The following RGPD2 variants were observed in gnomAD, a reference collection of about 807,000 sequenced individuals.
RGPD2 encodes the protein RANBP2 like and GRIP domain containing 2, also known as RANBP2-like and GRIP domain-containing protein 2.
In RGPD2, 2 loss-of-function variants were observed where a neutral mutation model predicts 36.0. The observed-to-expected ratio is 0.06, with a 90% CI of 0.02 to 0.17. The LOEUF (loss-of-function observed/expected upper bound fraction) is 0.17. RGPD2 is among the 10% of genes least tolerant of loss of function. The probability of loss-of-function intolerance (pLI) is 1.00; values close to 1 mark genes in which losing one functional copy is unlikely to be tolerated. For missense variants in RGPD2, 40 were observed against 464.3 expected, an observed-to-expected ratio of 0.09 and a Z score of 8.40; for synonymous variants, 19 against 163.8, an observed-to-expected ratio of 0.12 and a Z score of 6.75.
the RGPD2 span, among the ~76,000 whole-genome samples, chr2:87,945,090 A>C: frequency 6.6e-6 from 1 of 151,982 alleles, no homozygotes; most frequent in African/African-American, 2.4e-5. Flanking sequence ...AGGAACACAA[A>C]AAAATGAAAA....
At chr2:87,919,290 T>C in the RGPD2 span, among the ~76,000 whole-genome samples, 11 of 151,508 alleles carry the variant, frequency 7.3e-5, no homozygotes, top group African/African-American at 2.4e-4. Flanking sequence ...ATCTCTAAAA[T>C]AGAGACATCA....
At chr2:87,915,605 T>C in the RGPD2 span, among the ~76,000 whole-genome samples, 3 of 140,258 alleles carry the variant, frequency 2.1e-5, no homozygotes, top group Non-Finnish European at 4.8e-5. Context: ...TATATGTGTG[T>C]GTATATATAT....
At chr2:87,980,206 C>T in the RGPD2 span, among the ~76,000 whole-genome samples, 2 of 149,808 alleles carry the variant, frequency 1.3e-5, no homozygotes, top group African/African-American at 4.9e-5. Context: ...CAAAAATTAG[C>T]CGGGCATGGT....
intron 6 of RGPD2, among the ~76,000 whole-genome samples, chr2:87,809,202 G>A (rs1347151211): frequency 2.0e-5 from 3 of 151,984 alleles, no homozygotes. Flanking sequence ...CTACTCGGGA[G>A]GCTGAGGCAG....
chr2:87,918,390 C>T, the RGPD2 span, among the ~76,000 whole-genome samples: 50 of 150,964 alleles, frequency 3.3e-4, no homozygotes, highest in African/African-American at 1.2e-3. Flanking sequence ...AAACAAACCA[C>T]GTAGTTTACA....
chr2:87,958,399 AT>A, the RGPD2 span, among the ~76,000 whole-genome samples: 2 of 151,648 alleles, frequency 1.3e-5, no homozygotes, highest in Non-Finnish European at 3.0e-5. Context: ...TTAGTGGGGA[AT>A]TTTTTTTAAT....
chr2:87,973,665 T>C, the RGPD2 span, among the ~76,000 whole-genome samples: 1 of 128,702 alleles, frequency 7.8e-6, no homozygotes, highest in Non-Finnish European at 1.7e-5. Context: ...CAGGAGCCTT[T>C]GATCTCATTA....
At chr2:87,866,350 G>A in the RGPD2 span, among the ~76,000 whole-genome samples, 1 of 151,278 alleles carries the variant, frequency 6.6e-6, no homozygotes, top group South Asian at 2.1e-4. Flanking sequence ...ATTAATCATT[G>A]TGTCAAATCA....
chr2:87,857,941 T>C, the RGPD2 span, among the ~76,000 whole-genome samples: 6 of 152,252 alleles, frequency 3.9e-5, no homozygotes, highest in Admixed American at 3.9e-4. Flanking sequence ...CTTCAAACAA[T>C]ATATTTCTAA....
chr2:87,875,673 TTG>T, the RGPD2 span, among the ~76,000 whole-genome samples: 6 of 151,964 alleles, frequency 3.9e-5, no homozygotes, highest in African/African-American at 1.2e-4. Context: ...GAAGTTTTTG[TTG>T]TTGTTGTTGT....
At chr2:87,858,444 T>G in the RGPD2 span, among the ~76,000 whole-genome samples, 3 of 151,962 alleles carry the variant, frequency 2.0e-5, no homozygotes, top group East Asian at 1.9e-4. Flanking sequence ...TTTTCCCCTT[T>G]TTTTGGAGAG....
At chr2:87,836,455 G>A in the RGPD2 span, among the ~76,000 whole-genome samples, 1 of 151,680 alleles carries the variant, frequency 6.6e-6, no homozygotes, top group African/African-American at 2.4e-5. Context: ...ATTCAGCATT[G>A]TTAAAGAAAA....
At chr2:87,971,826 C>T in the RGPD2 span, among the ~76,000 whole-genome samples, 2 of 151,986 alleles carry the variant, frequency 1.3e-5, no homozygotes, top group South Asian at 2.1e-4. Context: ...AAATCATTTA[C>T]AATAGAGAAA....
At chr2:87,827,091 G>C (rs1218771239), upstream of RGPD2, among the ~76,000 whole-genome samples, 1 of 150,970 alleles carries the variant, frequency 6.6e-6, no homozygotes, top group Non-Finnish European at 1.5e-5. Flanking sequence ...TCTCTCTCTC[G>C]TGCTCTCTTT....
chr2:87,963,837 C>CTTTTTTTT, the RGPD2 span, among the ~76,000 whole-genome samples: 1 of 88,856 alleles, frequency 1.1e-5, no homozygotes, highest in Non-Finnish European at 2.0e-5. Flanking sequence ...TTCTTTCTTT[C>CTTTTTTTT]TTTTTTTTTT....
In RGPD2 at chr2:87,825,656, A is replaced by G. The variant is rs1686772426; in HGVS notation, c.72+2T>C. ...CCGTCGGTCTCTTCGAGATCCACTC[A>G]CCTTTCCAGGCGACGGGGCGGAGCC... On this transcript the variant is annotated splice_donor_variant, in intron 1 of 22. Coordinates refer to ENST00000398146, the MANE Select transcript of RGPD2 (RefSeq NM_001078170.3). LOFTEE classifies it high-confidence loss of function. 1 of 1,577,342 alleles carries G rather than the reference A, an allele frequency of 6.3e-7. No individual in the cohort carries two copies. Among genetic ancestry groups the G allele is most frequent in the African/African-American group, 1.4e-5 (1 of 73,346 alleles).
At chr2:87,870,717 G>A in the RGPD2 span, among the ~76,000 whole-genome samples, 3 of 151,836 alleles carry the variant, frequency 2.0e-5, no homozygotes, top group Non-Finnish European at 4.4e-5. Context: ...TTTTATGCGT[G>A]CCCATATGCC....
chr2:87,857,575 C>G, the RGPD2 span, among the ~76,000 whole-genome samples: 2 of 151,604 alleles, frequency 1.3e-5, no homozygotes, highest in Non-Finnish European at 2.9e-5. Context: ...ATCTCCTGAC[C>G]TTGTGATCCG....
the RGPD2 span, among the ~76,000 whole-genome samples, chr2:87,955,928 G>GT: frequency 1.8e-4 from 1 of 5,450 alleles, no homozygotes; most frequent in African/African-American, 8.1e-4. Context: ...ACTTACTATA[G>GT]TTTTTTTATT....
Sources: allele counts gnomAD v4.1 joint callset (sites outside exome capture counted in the v4.1 genomes callset), GRCh38; gene constraint gnomAD v4.1.1; transcripts MANE v1.5; gene names NCBI Gene and HGNC (gene_info 2026-07-23, HGNC 2026-07-21).